Variants in HMGCS2 observed in about 807,000 individuals in gnomAD.
HMGCS2 encodes the protein 3-hydroxy-3-methylglutaryl-CoA synthase 2, also known as hydroxymethylglutaryl-CoA synthase, mitochondrial.
Under a neutral mutation model 57.4 loss-of-function variants are expected in HMGCS2, and 50 were observed. The ratio of observed to expected loss-of-function variants is 0.87; its 90% CI spans 0.69 to 1.10. The LOEUF (loss-of-function observed/expected upper bound fraction) is 1.10. Ranked by LOEUF, HMGCS2 falls within the 50% of genes least tolerant of loss-of-function variation. HMGCS2 has a pLI of 0.00. For synonymous variants in HMGCS2, 254 were observed against 245.1 expected, an observed-to-expected ratio of 1.04 and a Z score of -0.34; for missense variants, 627 against 636.5, an observed-to-expected ratio of 0.99 and a Z score of 0.16.
rs1172810724 is a variant in HMGCS2, at chr1:119,764,280, C to G, written c.451G>C (p.Asp151His). 2 of 1,614,076 alleles carry G rather than the reference C, an allele frequency of 1.2e-6. No homozygotes were observed. The highest frequency in any genetic ancestry group is 1.7e-5 in the Admixed American group (1 of 60,006). ...CCCTCAATATCAGTATTGCCTGAAT[C>G]CTGGAAGAGTTCCATGAGCACTGTT... is the stretch of plus-strand genomic sequence containing the variant. ...VKTVLMELFQ[D>H]SGNTDIEGID... Residue 151 changes from aspartate to histidine, a missense_variant, in exon 2 of 10, where the codon GAT becomes CAT. Asp to His is a moderately conservative substitution (Grantham distance 81). Transcript: ENST00000369406.
intron 6 of HMGCS2, 136 bp downstream of exon 6, chr1:119,755,291 A>T: frequency 1.1e-6 from 1 of 884,980 alleles, no homozygotes; most frequent in Admixed American, 1.8e-5. Context: ...TACAGGCATG[A>T]GCCACTACAC....
At chr1:119,758,411 T>C (rs1375483706) in intron 4 of HMGCS2, among the ~76,000 whole-genome samples, 1 of 147,648 alleles carries the variant, frequency 6.8e-6, no homozygotes, top group East Asian at 1.9e-4. Flanking sequence ...CTTTTGTACT[T>C]TTTTTTTTTA....
chr1:119,755,649 G>A, intron 5 of HMGCS2, 52 bp from the exon 6 acceptor site: 1 of 1,550,504 alleles, frequency 6.4e-7, no homozygotes, highest in Non-Finnish European at 8.9e-7. Context: ...CGGGAGGCAG[G>A]GAGCAAGGGG....
In HMGCS2 at chr1:119,764,207, T is replaced by G; in HGVS notation, c.524A>C (p.Asn175Thr). The G allele has an allele frequency of 3.1e-6, 5 of 1,613,738 alleles. No homozygotes were observed. Among genetic ancestry groups the G allele is most frequent in the Non-Finnish European group, 4.2e-6 (5 of 1,180,022 alleles). Residue 175 changes from asparagine to threonine, a missense_variant, in exon 2 of 10, where the codon AAT becomes ACT. Physicochemically the swap from Asn to Thr is moderately conservative, Grantham distance 65. Coordinates refer to ENST00000369406, the MANE Select transcript of HMGCS2 (RefSeq NM_005518.4). ...ACTGGACTCCATCCAGTTGGCAGCATTGAAGAGGGAGGCAGTACCACCGTA... is the reference window on the plus strand; with the variant it reads ...ACTGGACTCCATCCAGTTGGCAGCAGTGAAGAGGGAGGCAGTACCACCGTA... ...ACYGGTASLF[N>T]AANWMESSSW...
At chr1:119,753,504 C>T (rs1292725903) in intron 6 of HMGCS2, 118 bp from the exon 7 acceptor site, 25 of 686,274 alleles carry the variant, frequency 3.6e-5, no homozygotes, top group Admixed American at 6.5e-5. Context: ...CCTATCATCC[C>T]GATCTTCTCC....
At chr1:119,767,752 T>A (rs1311216105) in intron 1 of HMGCS2, among the ~76,000 whole-genome samples, 1 of 152,258 alleles carries the variant, frequency 6.6e-6, no homozygotes, top group Non-Finnish European at 1.5e-5. Context: ...GTCTTTTGGC[T>A]GATGGCCAAC....
intron 2 of HMGCS2, among the ~76,000 whole-genome samples, chr1:119,762,588 G>A (rs894007082): frequency 1.3e-5 from 2 of 151,992 alleles, no homozygotes; most frequent in Admixed American, 6.6e-5. Context: ...CCCACCTGAG[G>A]GTCCCCAGAT....
chr1:119,753,337 CATAAGAGA>C lies in HMGCS2; in HGVS notation c.1229_1236del (p.Phe410TrpfsTer46). The C allele has an allele frequency of 6.2e-7, 1 of 1,613,540 alleles. No individual in the cohort carries two copies. Among genetic ancestry groups the C allele is most frequent in the Non-Finnish European group, 8.5e-7 (1 of 1,179,874 alleles). On this transcript the variant is annotated frameshift_variant, in exon 7 of 10. Coordinates refer to ENST00000369406, the MANE Select transcript of HMGCS2 (RefSeq NM_005518.4). LOFTEE classifies it high-confidence loss of function. ...AAGAAACTTGCTGCTAAACCAGAGC[CATAAGAGA>C]AGGCACCAATCCTGGAGCCAGCCAG...
Position 119,753,208 on chromosome 1 carries a change from T to C in HMGCS2, c.1294+72A>G, listed in dbSNP as rs139021042. ...TCTGTCAAGATGGCAGCCTCAGTAA[T>C]GGTGGGGAAGAAGATGGTTATTCTA... On this transcript the variant is annotated intron_variant, in intron 7 of 9. Coordinates refer to ENST00000369406, the MANE Select transcript of HMGCS2 (RefSeq NM_005518.4). The C allele has an allele frequency of 5.6e-4, 499 of 896,388 alleles. 7 individuals are homozygous for C. The East Asian group carries it at 0.012, about 22-fold the overall frequency. The allele number at this position is 896,388 out of a possible 1,614,324, so 55.5% of individuals were successfully genotyped here.
intron 4 of HMGCS2, among the ~76,000 whole-genome samples, chr1:119,758,507 G>A (rs1652926765): frequency 2.0e-5 from 3 of 152,224 alleles, no homozygotes; most frequent in South Asian, 2.1e-4. Flanking sequence ...CAAGGTGCTG[G>A]GATTACAGGC....
intron 9 of HMGCS2, 39 bp from the exon 10 acceptor site, chr1:119,748,880 C>T (rs1216739263): frequency 6.6e-6 from 1 of 152,332 alleles, no homozygotes; most frequent in Admixed American, 6.5e-5. Context: ...TGGGTCTCCT[C>T]TTGGGCACCC....
Position 119,768,863 on chromosome 1 carries a change from A to G in HMGCS2, c.-19T>C, listed in dbSNP as rs1327746517. On this transcript the variant is annotated 5_prime_UTR_variant, in exon 1 of 10. Coordinates refer to ENST00000369406, the MANE Select transcript of HMGCS2 (RefSeq NM_005518.4). ...GCTGCATCTCCAGAGGAGCAAGCAG[A>G]AACCCAGCAGTTCAGAAACCCAGCA... The G allele has an allele frequency of 6.3e-7, 1 of 1,585,258 alleles. No homozygotes were observed. The highest frequency in any genetic ancestry group is 8.7e-7 in the Non-Finnish European group (1 of 1,154,288).
chr1:119,766,595 C>T (rs1406157613), intron 1 of HMGCS2, among the ~76,000 whole-genome samples: 3 of 152,214 alleles, frequency 2.0e-5, no homozygotes, highest in African/African-American at 7.2e-5. Flanking sequence ...ATTTGACTCC[C>T]TCCAAATAAC....
At chr1:119,765,654 A>G (rs1653201579) in intron 1 of HMGCS2, among the ~76,000 whole-genome samples, 1 of 152,230 alleles carries the variant, frequency 6.6e-6, no homozygotes, top group African/African-American at 2.4e-5. Flanking sequence ...CTTTTGAACC[A>G]TTATTGTCAT....
rs1026894407 is a variant in HMGCS2, at chr1:119,764,254, G to A, written c.477C>T (p.Gly159=). The A allele has an allele frequency of 3.7e-6, 6 of 1,614,020 alleles. No homozygotes were observed. The highest frequency in any genetic ancestry group is 3.3e-4 in the Middle Eastern group (2 of 6,076). Residue 159 remains glycine, a synonymous_variant, in exon 2 of 10, where the codon GGC becomes GGT. Coordinates refer to ENST00000369406, the MANE Select transcript of HMGCS2 (RefSeq NM_005518.4). ...FQDSGNTDIE[G]IDTTNACYGG... is the part of the protein sequence containing the mutation. ...CGTAGCAGGCATTGGTGGTATCTAT[G>A]CCCTCAATATCAGTATTGCCTGAAT...
intron 1 of HMGCS2, among the ~76,000 whole-genome samples, chr1:119,767,322 G>A (rs926666797): frequency 8.5e-5 from 13 of 152,176 alleles, no homozygotes; most frequent in African/African-American, 2.4e-4. Context: ...GGAAGAGACC[G>A]CATTTGAGGC....
chr1:119,767,710 G>C (rs1220604989), intron 1 of HMGCS2, among the ~76,000 whole-genome samples: 1 of 152,216 alleles, frequency 6.6e-6, no homozygotes, highest in East Asian at 1.9e-4. Flanking sequence ...TTTGAACCAA[G>C]GGAGTCAGAA....
intron 8 of HMGCS2, among the ~76,000 whole-genome samples, chr1:119,752,011 GTTTTT>G (rs1025771448): frequency 1.1e-4 from 15 of 142,360 alleles, no homozygotes; most frequent in Non-Finnish European, 1.7e-4. Context: ...TTTGTTTTTT[GTTTTT>G]ATGTTTGGTG....
Position 119,753,261 on chromosome 1 carries a change from C to G in HMGCS2, c.1294+19G>C, listed in dbSNP as rs778510329. Reference sequence around the variant, plus strand: ...AGATGAATCTTGTCAGGAAGGCCTACTAGAAAGATGACACTCACCTGGAGC... The same window carrying G: ...AGATGAATCTTGTCAGGAAGGCCTAGTAGAAAGATGACACTCACCTGGAGC... On this transcript the variant is annotated intron_variant, in intron 7 of 9. Transcript: ENST00000369406. 2.0e-6 allele frequency: 3 copies of G among 1,487,020 alleles called. No individual in the cohort carries two copies. The South Asian group carries it at 3.4e-5, about 17-fold the overall frequency. The allele number at this position is 1,487,020 out of a possible 1,614,324, so 92.1% of individuals were successfully genotyped here. A position where few individuals can be genotyped will look rare whatever the true frequency, so the allele number is the denominator to read the frequency against.
Sources: allele counts gnomAD v4.1 joint callset (sites outside exome capture counted in the v4.1 genomes callset), GRCh38; gene constraint gnomAD v4.1.1; transcripts MANE v1.5; gene names NCBI Gene and HGNC (gene_info 2026-07-23, HGNC 2026-07-21).